LRRC74A: variants seen among roughly 807,000 people sequenced by gnomAD.
LRRC74A encodes the protein leucine rich repeat containing 74A.
A neutral mutation model predicts 57.9 loss-of-function variants in LRRC74A; 44 were observed. The ratio of observed to expected loss-of-function variants is 0.76; its 90% CI spans 0.60 to 0.98. The LOEUF is 0.98. LRRC74A is among the 50% of genes least tolerant of loss of function. The pLI is 0.00. For missense variants in LRRC74A, 572 were observed against 574.0 expected (o/e 1.00, Z 0.04); for synonymous variants, 211 against 219.4 (o/e 0.96, Z 0.34).
chr14:76,867,910 T>C (rs1899075600), intron 13 of LRRC74A, among the ~76,000 whole-genome samples: 1 of 152,188 alleles, frequency 6.6e-6, no homozygotes, highest in Non-Finnish European at 1.5e-5. Flanking sequence ...TAACGGTGTG[T>C]TAGGGACTAC....
rs1387648196 is a variant in LRRC74A, at chr14:76,869,945, CA to C, written c.1392-179del. Among the ~76,000 whole-genome samples the C allele has an allele frequency of 2.1e-5, 3 of 144,470 alleles. No homozygotes were observed. In the East Asian group the frequency reaches 7.0e-4, roughly 34 times the overall value. 94.8% of individuals were successfully genotyped at this position (144,470 alleles called of 152,430 possible). A position where few individuals can be genotyped will look rare whatever the true frequency, so the allele number is the denominator to read the frequency against. On this transcript the variant is annotated intron_variant, in intron 13 of 13. Coordinates refer to ENST00000689127, the MANE Select transcript of LRRC74A (RefSeq NM_001385106.1). ...ATACTTATAAGTGTGTGTGTGTGCA[CA>C]CGCACACACATGCACACATGTGTAG...
intron 9 of LRRC74A, 36 bp from the exon 10 acceptor site, chr14:76,857,344 T>G (rs1347314225): frequency 7.1e-7 from 1 of 1,417,016 alleles, no homozygotes; most frequent in African/African-American, 1.4e-5. Flanking sequence ...TCTCCTCCCA[T>G]CTCAGCCTCC....
chr14:76,847,465 CACTT>C (rs1897181685), intron 7 of LRRC74A, among the ~76,000 whole-genome samples: 1 of 151,998 alleles, frequency 6.6e-6, no homozygotes, highest in South Asian at 2.1e-4. Context: ...CACCTGTTCT[CACTT>C]ATAAGTGGCA....
intron 11 of LRRC74A, among the ~76,000 whole-genome samples, chr14:76,862,156 C>G (rs1028019774): frequency 2.0e-5 from 3 of 152,202 alleles, no homozygotes; most frequent in African/African-American, 7.2e-5. Flanking sequence ...CATGCAGAGT[C>G]CAACATAGCC....
In LRRC74A at chr14:76,863,887, C is replaced by T. The variant is rs374563525; in HGVS notation, c.1201-2081C>T. 7.2e-5 allele frequency among the ~76,000 whole-genome samples: 11 copies of T among 152,374 alleles called. No homozygotes were observed. In the East Asian group the frequency reaches 1.2e-3, roughly 16 times the overall value. On this transcript the variant is annotated intron_variant, in intron 11 of 13. Coordinates refer to ENST00000689127, the MANE Select transcript of LRRC74A (RefSeq NM_001385106.1). ...GAAGCTGCATGATTGCGGAATGCCC[C>T]GCTCAGTCATGAAGCAACCACAGCC...
Position 76,844,865 on chromosome 14 carries a change from T to G in LRRC74A, c.640T>G (p.Ser214Ala). 6.9e-6 allele frequency: 11 copies of G among 1,596,384 alleles called. No homozygotes were observed. The highest frequency in any genetic ancestry group is 9.4e-6 in the Non-Finnish European group (11 of 1,164,096). ...GCTGGATCTCAGTCACAACCAATTC[T>G]CTGATGTAGGAGGGGAGCACCTGGG... ...KKLDLSHNQF[S>A]DVGGEHLGQM... Residue 214 changes from serine (S) to alanine (A), a missense_variant, in exon 7 of 14, where the codon TCT (serine) becomes GCT (alanine). Ser to Ala is a moderately conservative substitution (Grantham distance 99). Transcript: ENST00000689127.
At chr14:76,829,712 C>A (rs1471562195) in intron 2 of LRRC74A, among the ~76,000 whole-genome samples, 1 of 152,172 alleles carries the variant, frequency 6.6e-6, no homozygotes, top group Admixed American at 6.5e-5. Context: ...CCAACAGGAA[C>A]CTCTAATGGC....
At chr14:76,861,663 A>C (rs1396137222) in intron 11 of LRRC74A, among the ~76,000 whole-genome samples, 1 of 152,240 alleles carries the variant, frequency 6.6e-6, no homozygotes, top group Non-Finnish European at 1.5e-5. Context: ...AAATCAGAGA[A>C]TAGTAGCGCC....
chr14:76,849,191 G>A (rs1324809562), intron 7 of LRRC74A, among the ~76,000 whole-genome samples: 1 of 152,064 alleles, frequency 6.6e-6, no homozygotes, highest in Non-Finnish European at 1.5e-5. Context: ...TCGCTCTGTT[G>A]CCCAGGCTGG....
At chr14:76,829,129 G>A in intron 2 of LRRC74A, 2 of 1,289,416 alleles carry the variant, frequency 1.6e-6, no homozygotes, top group Non-Finnish European at 2.0e-6. Context: ...GAACACTTGT[G>A]AAGCAAGAGA....
At chr14:76,864,446 G>A (rs1202010455) in intron 11 of LRRC74A, among the ~76,000 whole-genome samples, 8 of 133,230 alleles carry the variant, frequency 6.0e-5, no homozygotes, top group Non-Finnish European at 1.1e-4. Flanking sequence ...GGGGGGTGGC[G>A]GGGGAGAAGA....
At chr14:76,828,263 C>A in intron 1 of LRRC74A, 28 bp from the exon 2 acceptor site, 1 of 1,566,442 alleles carries the variant, frequency 6.4e-7, no homozygotes, top group Non-Finnish European at 8.7e-7. Flanking sequence ...TTATTCCTGG[C>A]ATCAAGGAGA....
At chr14:76,828,556 G>C in intron 2 of LRRC74A, 137 bp downstream of exon 2, 2 of 1,374,538 alleles carry the variant, frequency 1.5e-6, no homozygotes, top group Non-Finnish European at 2.0e-6. Flanking sequence ...TGGCAGAAAG[G>C]CCTGCTCGAT....
At chr14:76,838,371 T>C (rs752406172) in intron 5 of LRRC74A, among the ~76,000 whole-genome samples, 1 of 151,972 alleles carries the variant, frequency 6.6e-6, no homozygotes, top group Non-Finnish European at 1.5e-5. Context: ...ACACCAAGGG[T>C]TTCTTACAAT....
At chr14:76,849,560 C>T (rs1022640077) in intron 7 of LRRC74A, among the ~76,000 whole-genome samples, 3 of 151,184 alleles carry the variant, frequency 2.0e-5, no homozygotes, top group South Asian at 2.1e-4. Context: ...CCAACACTTT[C>T]GGAGGCCGAG....
rs536307790 is a variant in LRRC74A, at chr14:76,851,885, C to T, written c.677-480C>T. On this transcript the variant is annotated intron_variant, in intron 7 of 13. Coordinates refer to ENST00000689127, the MANE Select transcript of LRRC74A (RefSeq NM_001385106.1). ...TTCACCATGTTGGCCAGGGTGGTCTCGATCTCTTGACTTCGTGATCTGCCC... is the reference window on the plus strand; with the variant it reads ...TTCACCATGTTGGCCAGGGTGGTCTTGATCTCTTGACTTCGTGATCTGCCC... Among the ~76,000 whole-genome samples the T allele has an allele frequency of 3.3e-5, 5 of 149,826 alleles. No homozygotes were observed. In the South Asian group the frequency reaches 8.5e-4, roughly 25 times the overall value.
intron 2 of LRRC74A, chr14:76,829,195 C>T (rs771617785): frequency 2.8e-5 from 36 of 1,288,992 alleles, no homozygotes; most frequent in Non-Finnish European, 3.5e-5. Context: ...CCAAGCCTAG[C>T]CCAGTCACCC....
intron 6 of LRRC74A, 35 bp downstream of exon 6, chr14:76,844,507 C>T (rs372832824): frequency 6.7e-5 from 108 of 1,605,718 alleles, no homozygotes; most frequent in East Asian, 4.7e-4. Flanking sequence ...GCCACGTGGG[C>T]GATGTCCCTG....
At chr14:76,837,600 T>C (rs1352274917) in intron 4 of LRRC74A, among the ~76,000 whole-genome samples, 3 of 152,296 alleles carry the variant, frequency 2.0e-5, no homozygotes, top group Non-Finnish European at 4.4e-5. Context: ...CAAGGCTAAA[T>C]TGGGAAAACA....
Sources: gnomAD v4.1 joint callset for allele counts (sites outside exome capture counted in the v4.1 genomes callset) on GRCh38, gnomAD v4.1.1 for gene constraint, MANE v1.5 for transcripts, NCBI Gene and HGNC (gene_info 2026-07-23, HGNC 2026-07-21) for gene names.